Variants in FRMD3 observed in about 807,000 individuals in gnomAD.
FRMD3 encodes FERM domain containing 3.
A neutral mutation model predicts 70.2 loss-of-function variants in FRMD3; 33 were observed. That is an observed-to-expected ratio of 0.47 (90% CI 0.36 to 0.63). FRMD3 has a LOEUF of 0.63. FRMD3 is among the 20% of genes least tolerant of loss of function. The pLI is 0.00. For missense variants in FRMD3, 632 were observed against 711.4 expected, an observed-to-expected ratio of 0.89 and a Z score of 1.27; for synonymous variants, 279 against 255.9, an observed-to-expected ratio of 1.09 and a Z score of -0.86.
chr9:83,334,391 A>C (rs966695451), intron 6 of FRMD3, among the ~76,000 whole-genome samples: 1 of 152,158 alleles, frequency 6.6e-6, no homozygotes, highest in Non-Finnish European at 1.5e-5. Context: ...TGCCACCTTG[A>C]ATGCCCTCAC....
chr9:83,267,230 AG>A (rs982802503), intron 13 of FRMD3: 2 of 1,530,370 alleles, frequency 1.3e-6, no homozygotes, highest in Admixed American at 2.0e-5. Context: ...GGACCTAGGC[AG>A]GACCCACTGA....
intron 1 of FRMD3, among the ~76,000 whole-genome samples, chr9:83,466,610 G>A (rs1231043861): frequency 2.0e-5 from 3 of 152,072 alleles, no homozygotes; most frequent in Non-Finnish European, 4.4e-5. Context: ...ACCTTTCTAG[G>A]TACCCTAGAA....
At chr9:83,583,635 G>T in the FRMD3 span, among the ~76,000 whole-genome samples, 3 of 152,052 alleles carry the variant, frequency 2.0e-5, no homozygotes, top group East Asian at 5.8e-4. Context: ...TTGAGACAGG[G>T]TCTCACTCTG....
At chr9:83,500,981 C>G (rs1051417098) in intron 1 of FRMD3, among the ~76,000 whole-genome samples, 2 of 152,136 alleles carry the variant, frequency 1.3e-5, no homozygotes, top group Non-Finnish European at 2.9e-5. Context: ...AATTAATTTG[C>G]ATAATATATG....
chr9:83,281,035 A>G (rs1196304453), intron 13 of FRMD3, among the ~76,000 whole-genome samples: 1 of 152,164 alleles, frequency 6.6e-6, no homozygotes, highest in Non-Finnish European at 1.5e-5. Flanking sequence ...GAGCCCACCT[A>G]AAAGAATGGT....
intron 6 of FRMD3, among the ~76,000 whole-genome samples, chr9:83,324,576 C>T (rs1298760935): frequency 2.0e-5 from 3 of 152,106 alleles, no homozygotes; most frequent in Non-Finnish European, 4.4e-5. Flanking sequence ...TGAAATATTA[C>T]GCAGTCCACA....
chr9:83,375,193 A>C (rs571832505), intron 2 of FRMD3, among the ~76,000 whole-genome samples: 1 of 152,374 alleles, frequency 6.6e-6, no homozygotes, highest in East Asian at 1.9e-4. Context: ...TATGTCTGCC[A>C]TGCCACTATA....
intron 3 of FRMD3, among the ~76,000 whole-genome samples, chr9:83,357,278 T>TA (rs1824424564): frequency 1.5e-5 from 1 of 66,140 alleles, no homozygotes; most frequent in Non-Finnish European, 2.8e-5. Context: ...TATATATATA[T>TA]ATATATATAT....
chr9:83,503,693 A>G (rs1160928869), intron 1 of FRMD3, among the ~76,000 whole-genome samples: 2 of 152,202 alleles, frequency 1.3e-5, no homozygotes, highest in African/African-American at 4.8e-5. Context: ...AGCAATAGAT[A>G]ACCAAGGCAG....
intron 6 of FRMD3, among the ~76,000 whole-genome samples, chr9:83,330,700 G>T (rs757691140): frequency 6.6e-6 from 1 of 152,196 alleles, no homozygotes; most frequent in Non-Finnish European, 1.5e-5. Flanking sequence ...TTTAAGAATT[G>T]TCTATATCTG....
At chr9:83,266,655 G>A (rs563718444) in intron 13 of FRMD3, among the ~76,000 whole-genome samples, 51 of 152,248 alleles carry the variant, frequency 3.3e-4, no homozygotes, top group Middle Eastern at 6.8e-3. Context: ...GAGGGGGAGC[G>A]TGTTGTGATC....
intron 3 of FRMD3, among the ~76,000 whole-genome samples, chr9:83,362,423 ACAACTTGACT>A (rs944040892): frequency 2.0e-5 from 3 of 152,202 alleles, no homozygotes; most frequent in Non-Finnish European, 4.4e-5. Context: ...TCAGCCAGCA[ACAACTTGACT>A]CAGTACTGCT....
intron 13 of FRMD3, among the ~76,000 whole-genome samples, chr9:83,284,762 G>A (rs17086124): frequency 0.16 from 24,661 of 152,186 alleles, 2,096 homozygotes; most frequent in African/African-American, 0.2. Context: ...TCTGAACCAT[G>A]ACCATGGAAC....
At chr9:83,363,886 A>G (rs1240235171) in intron 3 of FRMD3, among the ~76,000 whole-genome samples, 1 of 152,188 alleles carries the variant, frequency 6.6e-6, no homozygotes, top group Non-Finnish European at 1.5e-5. Context: ...TGAAAGATAT[A>G]ACCAGATTAC....
chr9:83,538,349 A>G lies in FRMD3; in HGVS notation c.-118T>C, dbSNP rs1394373764. ...CCTGGGCGCGGCTCAGCCCCGGGAC[A>G]TCGGCAGCGTCGGGCGCCTGCGGAC... On this transcript the variant is annotated 5_prime_UTR_variant, in exon 1 of 14. The change abolishes an upstream ATG in the 5' untranslated region. Coordinates refer to ENST00000304195, the MANE Select transcript of FRMD3 (RefSeq NM_174938.6). This position sits in a 1 kb window ranked among gnomAD's most constrained non-coding sequence, Gnocchi z 4.7. The G allele has an allele frequency of 4.1e-6, 4 of 976,548 alleles. No individual in the cohort carries two copies. The African/African-American group carries it at 5.1e-5, about 12-fold the overall frequency. 60.5% of individuals were successfully genotyped at this position (976,548 alleles called of 1,614,324 possible).
rs1334522690 is a variant in FRMD3, at chr9:83,507,736, A to ATCTATCTATC, written c.147+30348_147+30349insGATAGATAGA. ...TATATATATATATATATATATATAT[A>ATCTATCTATC]TATCTTCTGGAATATTTCCTGAAGG... On this transcript the variant is annotated intron_variant, in intron 1 of 13. Transcript: ENST00000304195. 1.4e-3 allele frequency among the ~76,000 whole-genome samples: 125 copies of ATCTATCTATC among 88,696 alleles called. 5 individuals are homozygous for ATCTATCTATC. The highest frequency in any genetic ancestry group is 4.2e-3 in the South Asian group (10 of 2,358). 58.2% of individuals were successfully genotyped at this position (88,696 alleles called of 152,430 possible). A position where few individuals can be genotyped will look rare whatever the true frequency, so the allele number is the denominator to read the frequency against.
At chr9:83,567,127 C>T in the FRMD3 span, among the ~76,000 whole-genome samples, 2 of 152,222 alleles carry the variant, frequency 1.3e-5, no homozygotes, top group African/African-American at 4.8e-5. Flanking sequence ...CAGAGGTTCC[C>T]AAACCTCAGT....
intron 13 of FRMD3, among the ~76,000 whole-genome samples, chr9:83,259,243 T>A (rs1490015676): frequency 6.6e-6 from 1 of 152,224 alleles, no homozygotes; most frequent in Non-Finnish European, 1.5e-5. Context: ...TTTATAATGA[T>A]CTGTTTTACA....
At chr9:83,369,089 G>A (rs138310713) in intron 3 of FRMD3, among the ~76,000 whole-genome samples, 1,956 of 152,076 alleles carry the variant, frequency 0.013, 40 homozygotes, top group African/African-American at 0.041. Context: ...TCCTGACCTC[G>A]TAATGCACCC....
Sources: allele counts gnomAD v4.1 joint callset (sites outside exome capture counted in the v4.1 genomes callset), GRCh38; gene constraint gnomAD v4.1.1; non-coding constraint Gnocchi (gnomAD v3.1); transcripts MANE v1.5; gene names NCBI Gene and HGNC (gene_info 2026-07-23, HGNC 2026-07-21).